The following ST6GALNAC5 variants were observed in gnomAD, a reference collection of about 807,000 sequenced individuals.
ST6GALNAC5 encodes the protein ST6 N-acetylgalactosaminide alpha-2,6-sialyltransferase 5, also known as alpha-N-acetylgalactosaminide alpha-2,6-sialyltransferase 5.
ST6GALNAC5 carries 27 observed loss-of-function variants against 33.6 expected under a neutral mutation model. That is an observed-to-expected ratio of 0.80 (90% CI 0.59 to 1.11). The LOEUF is 1.11. Among genes scored for constraint, ST6GALNAC5 ranks in the 50% least tolerant of loss-of-function variants. ST6GALNAC5 has a pLI of 0.00. For synonymous variants in ST6GALNAC5, 194 were observed against 171.2 expected (o/e 1.13, Z -1.04); for missense variants, 428 against 454.0 (o/e 0.94, Z 0.52).
intron 2 of ST6GALNAC5, among the ~76,000 whole-genome samples, chr1:76,975,830 C>T (rs1319286625): frequency 2.0e-5 from 3 of 152,178 alleles, no homozygotes; most frequent in East Asian, 1.9e-4. Context: ...GTGGATGGCT[C>T]ACGCCTATAA....
chr1:76,914,756 A>G (rs954419774), intron 2 of ST6GALNAC5, among the ~76,000 whole-genome samples: 1 of 152,174 alleles, frequency 6.6e-6, no homozygotes, highest in Admixed American at 6.5e-5. Context: ...AAACCTAGGC[A>G]TTACCATTCA....
intron 2 of ST6GALNAC5, among the ~76,000 whole-genome samples, chr1:76,980,643 T>G (rs1365645937): frequency 6.6e-6 from 1 of 152,156 alleles, no homozygotes; most frequent in East Asian, 1.9e-4. Flanking sequence ...TTTCAACAAA[T>G]GCTACCTGGA....
chr1:77,024,515 G>A (rs1651162998), intron 2 of ST6GALNAC5, among the ~76,000 whole-genome samples: 2 of 152,208 alleles, frequency 1.3e-5, no homozygotes, highest in Non-Finnish European at 2.9e-5. Context: ...TCACTGAAAA[G>A]CCTGTGCCCT....
intron 4 of ST6GALNAC5, among the ~76,000 whole-genome samples, chr1:77,054,764 T>G (rs1278552599): frequency 6.6e-6 from 1 of 152,124 alleles, no homozygotes; most frequent in Non-Finnish European, 1.5e-5. Flanking sequence ...GTCTGCCTTC[T>G]CATCTCACCC....
chr1:76,995,929 A>G (rs1023155345), intron 2 of ST6GALNAC5, among the ~76,000 whole-genome samples: 1 of 152,232 alleles, frequency 6.6e-6, no homozygotes, highest in Non-Finnish European at 1.5e-5. Context: ...TTTTTATCAA[A>G]TGAATGGCTA....
At chr1:76,916,553 C>T (rs551047668) in intron 2 of ST6GALNAC5, among the ~76,000 whole-genome samples, 1 of 151,794 alleles carries the variant, frequency 6.6e-6, no homozygotes, top group East Asian at 1.9e-4. Flanking sequence ...TTTTAGTTTC[C>T]AGTAGAAAAC....
chr1:76,883,651 C>T (rs1201747739), intron 2 of ST6GALNAC5, among the ~76,000 whole-genome samples: 2 of 152,180 alleles, frequency 1.3e-5, no homozygotes, highest in Non-Finnish European at 2.9e-5. Context: ...AGTATAGTAC[C>T]ATGACAGGCA....
intron 2 of ST6GALNAC5, among the ~76,000 whole-genome samples, chr1:77,038,468 CT>C (rs1422160054): frequency 8.5e-5 from 13 of 152,230 alleles, no homozygotes; most frequent in Non-Finnish European, 1.6e-4. Flanking sequence ...TAACAGGCAG[CT>C]CCCAGAGCAA....
chr1:77,036,004 T>C (rs999753004), intron 2 of ST6GALNAC5, among the ~76,000 whole-genome samples: 4 of 152,146 alleles, frequency 2.6e-5, no homozygotes, highest in African/African-American at 7.2e-5. Flanking sequence ...TGGAGACAAA[T>C]CCAATGTACA....
chr1:76,983,787 A>G (rs1649362316), intron 2 of ST6GALNAC5, among the ~76,000 whole-genome samples: 1 of 152,254 alleles, frequency 6.6e-6, no homozygotes. Context: ...CAAATGTAAA[A>G]GAACAGAAAT....
chr1:77,039,279 T>A (rs1009935076), intron 2 of ST6GALNAC5, among the ~76,000 whole-genome samples: 2 of 152,230 alleles, frequency 1.3e-5, no homozygotes, highest in Non-Finnish European at 2.9e-5. Flanking sequence ...ATCAAGCTCT[T>A]ACTGGGGATT....
At position 77,047,210 on chromosome 1, in the gene ST6GALNAC5, C is replaced by T. The variant is rs1570135166; in HGVS notation, c.671+2597C>T. ...GCTTCCAGAAACTTTGTGCCTCTTG[C>T]CTTCGGGAAACAGTCTTAAAGAAGC... On this transcript the variant is annotated intron_variant, in intron 3 of 4. Transcript: ENST00000477717. Among the ~76,000 whole-genome samples the T allele has an allele frequency of 2.0e-5, 3 of 152,148 alleles. No homozygotes were observed. The South Asian group carries it at 6.2e-4, about 31-fold the overall frequency.
chr1:76,977,443 A>G (rs1281369861), intron 2 of ST6GALNAC5, among the ~76,000 whole-genome samples: 1 of 152,088 alleles, frequency 6.6e-6, no homozygotes, highest in Non-Finnish European at 1.5e-5. Flanking sequence ...CTTTGTACCC[A>G]CTGACCAACC....
At chr1:76,869,176 C>T (rs1394030310) in intron 2 of ST6GALNAC5, 1 of 188,024 alleles carries the variant, frequency 5.3e-6, no homozygotes, top group Non-Finnish European at 1.1e-5. Flanking sequence ...AGCCCGCGGC[C>T]ACTGCTCGGG....
chr1:76,902,488 A>T (rs1352476397), intron 2 of ST6GALNAC5, among the ~76,000 whole-genome samples: 1 of 152,116 alleles, frequency 6.6e-6, no homozygotes, highest in Non-Finnish European at 1.5e-5. Flanking sequence ...TGCAACTGGG[A>T]TTCTCTAGGC....
At chr1:76,987,423 A>G (rs1369612070) in intron 2 of ST6GALNAC5, among the ~76,000 whole-genome samples, 1 of 152,156 alleles carries the variant, frequency 6.6e-6, no homozygotes, top group East Asian at 1.9e-4. Context: ...GGCTATATTC[A>G]AAAAGACAAA....
intron 2 of ST6GALNAC5, among the ~76,000 whole-genome samples, chr1:76,986,655 T>C (rs1649510237): frequency 6.6e-6 from 1 of 152,184 alleles, no homozygotes; most frequent in South Asian, 2.1e-4. Context: ...AGCAATCCCA[T>C]TACTGGGTAT....
intron 2 of ST6GALNAC5, among the ~76,000 whole-genome samples, chr1:77,030,388 A>T (rs912340474): frequency 1.8e-4 from 28 of 152,230 alleles, no homozygotes; most frequent in African/African-American, 6.8e-4. Context: ...AGGTGGTAAT[A>T]TGGATCTCAC....
chr1:76,913,223 C>G (rs1646932352), intron 2 of ST6GALNAC5, among the ~76,000 whole-genome samples: 1 of 151,800 alleles, frequency 6.6e-6, no homozygotes, highest in African/African-American at 2.4e-5. Context: ...AAATTCTTTT[C>G]TTTAAGAATG....
Sources: gnomAD v4.1 joint callset for allele counts (sites outside exome capture counted in the v4.1 genomes callset) on GRCh38, gnomAD v4.1.1 for gene constraint, MANE v1.5 for transcripts, NCBI Gene and HGNC (gene_info 2026-07-23, HGNC 2026-07-21) for gene names.